Variants in LRP1B observed in about 807,000 individuals in gnomAD.
LRP1B encodes the protein LDL receptor related protein 1B.
LRP1B carries 217 observed loss-of-function variants against 556.6 expected under a neutral mutation model. The observed-to-expected ratio is 0.39, with a 90% CI of 0.35 to 0.44. The LOEUF (loss-of-function observed/expected upper bound fraction) is 0.44, where lower values mean the gene tolerates loss of function less well. LRP1B is among the 20% of genes least tolerant of loss of function. The pLI, the probability that LRP1B is intolerant of heterozygous loss-of-function variation, is 1.00. For missense variants in LRP1B, 5,053 were observed against 5,620.8 expected (o/e 0.90, Z 3.23); for synonymous variants, 2,047 against 1,865.8 (o/e 1.10, Z -2.50).
chr2:140,784,422 A>ACACATACACACACAC (rs1559117335), intron 32 of LRP1B, among the ~76,000 whole-genome samples: 2 of 149,074 alleles, frequency 1.3e-5, no homozygotes, highest in Admixed American at 6.7e-5. Context: ...ACACACACAC[A>ACACATACACACACAC]AAAGGCTCAG....
rs77476872 is a variant in LRP1B at position 140,365,657 on chromosome 2, G to A, written c.11009-874C>T. ...AGGTACAGTTAAAGTGATGTATAGC[G>A]TCACAGGTGCAAGAAGTACCTGGGG... On this transcript the variant is annotated intron_variant, in intron 71 of 90. Transcript: ENST00000389484. 6.7e-3 allele frequency among the ~76,000 whole-genome samples: 1,016 copies of A among 151,616 alleles called. 9 individuals are homozygous for A. Among genetic ancestry groups the A allele is most frequent in the African/African-American group, 0.02 (839 of 41,458 alleles).
At chr2:140,594,552 C>G (rs1454745832) in intron 43 of LRP1B, among the ~76,000 whole-genome samples, 1 of 152,122 alleles carries the variant, frequency 6.6e-6, no homozygotes, top group Non-Finnish European at 1.5e-5. Context: ...CACACAAGGT[C>G]TAAATTTATA....
chr2:141,816,857 G>A (rs993046531), intron 1 of LRP1B, among the ~76,000 whole-genome samples: 5 of 151,718 alleles, frequency 3.3e-5, no homozygotes, highest in Non-Finnish European at 5.9e-5. Context: ...TTATCAGCTC[G>A]CTAAAGCAAG....
In LRP1B at chr2:141,124,397, T is replaced by C. The variant is rs115162086; in HGVS notation, c.1014-62124A>G. 5.0e-3 allele frequency among the ~76,000 whole-genome samples: 760 copies of C among 152,272 alleles called. 6 individuals are homozygous for C. Among genetic ancestry groups the C allele is most frequent in the South Asian group, 0.011 (54 of 4,832 alleles). On this transcript the variant is annotated intron_variant, in intron 7 of 90. Coordinates refer to ENST00000389484, the MANE Select transcript of LRP1B (RefSeq NM_018557.3). ...TTTAAGAAGCTCAAAAAATATAGAATATGTTCTTGCTCTTTCATTTTTGGT... is the reference window on the plus strand; with the variant it reads ...TTTAAGAAGCTCAAAAAATATAGAACATGTTCTTGCTCTTTCATTTTTGGT...
chr2:141,942,554 G>T (rs767181051), intron 1 of LRP1B, among the ~76,000 whole-genome samples: 5 of 152,026 alleles, frequency 3.3e-5, no homozygotes, highest in Non-Finnish European at 5.9e-5. Flanking sequence ...ATACCCTGGT[G>T]CCTGTATTTT....
chr2:140,603,616 C>A (rs1432192100), intron 41 of LRP1B, among the ~76,000 whole-genome samples: 1 of 152,056 alleles, frequency 6.6e-6, no homozygotes, highest in Non-Finnish European at 1.5e-5. Context: ...GAAAACACTT[C>A]GTATCACCAT....
At chr2:140,280,228 TTTG>T (rs1682857710) in intron 84 of LRP1B, among the ~76,000 whole-genome samples, 1 of 151,734 alleles carries the variant, frequency 6.6e-6, no homozygotes, top group Admixed American at 6.6e-5. Context: ...GTATGTGAAA[TTTG>T]TTGTTCAAAT....
intron 2 of LRP1B, among the ~76,000 whole-genome samples, chr2:141,712,911 C>T (rs930531407): frequency 2.0e-4 from 29 of 146,418 alleles, no homozygotes; most frequent in Non-Finnish European, 6.0e-5. Flanking sequence ...AACTCCTGAC[C>T]TCATGACCTG....
At chr2:141,447,836 A>G (rs1368598349) in intron 3 of LRP1B, among the ~76,000 whole-genome samples, 1 of 152,104 alleles carries the variant, frequency 6.6e-6, no homozygotes, top group Admixed American at 6.5e-5. Context: ...GCTCTCCTGT[A>G]TGAGGTGTCT....
chr2:140,526,666 A>G (rs1690449648), intron 47 of LRP1B, among the ~76,000 whole-genome samples: 1 of 140,556 alleles, frequency 7.1e-6, no homozygotes, highest in Admixed American at 7.8e-5. Context: ...TTGATATCAT[A>G]TTGCTGTGGT....
intron 1 of LRP1B, among the ~76,000 whole-genome samples, chr2:142,005,449 A>C (rs2105144506): frequency 6.6e-6 from 1 of 152,196 alleles, no homozygotes; most frequent in South Asian, 2.1e-4. Context: ...GTTTCAACTT[A>C]CTCTACTTTT....
At chr2:140,693,900 G>A (rs1376484649) in intron 41 of LRP1B, among the ~76,000 whole-genome samples, 1 of 151,990 alleles carries the variant, frequency 6.6e-6, no homozygotes, top group Non-Finnish European at 1.5e-5. Flanking sequence ...TAAAGACAGG[G>A]TTTTGCCATT....
At chr2:141,355,904 T>C (rs984662129) in intron 3 of LRP1B, among the ~76,000 whole-genome samples, 1 of 152,176 alleles carries the variant, frequency 6.6e-6, no homozygotes, top group Non-Finnish European at 1.5e-5. Flanking sequence ...TACATATTTG[T>C]CATGCTTTTT....
At position 140,501,760 on chromosome 2, in the gene LRP1B, T is replaced by C. The variant is rs751930911; in HGVS notation, c.8777A>G (p.His2926Arg). 1.6e-5 allele frequency: 26 copies of C among 1,612,930 alleles called. No homozygotes were observed. The highest frequency in any genetic ancestry group is 6.6e-5 in the South Asian group (6 of 91,000). The part of the protein sequence containing the change: ...CGDGSDERNC[H>R]INECLSKKVS... ...TTTCTTACTCAAACATTCATTTATA[T>C]GGCAGTTTCTCTCATCTGAACCATC... Residue 2926 changes from histidine to arginine, a missense_variant, in exon 55 of 91, where the codon CAT becomes CGT. This residue lies in a region of LRP1B where 3,619 missense variants were observed against 3,931.9 expected (regional missense o/e 0.92). Coordinates refer to ENST00000389484, the MANE Select transcript of LRP1B (RefSeq NM_018557.3).
chr2:140,840,177 A>C (rs1692056554), intron 30 of LRP1B, 92 bp from the exon 31 acceptor site: 1 of 689,348 alleles, frequency 1.5e-6, no homozygotes, highest in Admixed American at 3.6e-5. Context: ...AAACATCAAA[A>C]TATATTCTTG....
At chr2:140,639,084 G>A (rs1257533716) in intron 41 of LRP1B, among the ~76,000 whole-genome samples, 17 of 152,060 alleles carry the variant, frequency 1.1e-4, no homozygotes, top group African/African-American at 3.9e-4. Flanking sequence ...ATATATTCTT[G>A]AGAGGCATTT....
chr2:141,739,280 C>A (rs1354104407), intron 2 of LRP1B, among the ~76,000 whole-genome samples: 1 of 152,052 alleles, frequency 6.6e-6, no homozygotes, highest in Non-Finnish European at 1.5e-5. Context: ...ACAGTGCTTA[C>A]TCTACTTTGC....
intron 3 of LRP1B, among the ~76,000 whole-genome samples, chr2:141,263,212 A>G (rs541532536): frequency 6.6e-5 from 10 of 152,210 alleles, no homozygotes; most frequent in African/African-American, 2.4e-4. Flanking sequence ...GAATTTATAT[A>G]TATTGAACTT....
At chr2:142,109,163 T>A (rs1420634736) in intron 1 of LRP1B, among the ~76,000 whole-genome samples, 1 of 152,192 alleles carries the variant, frequency 6.6e-6, no homozygotes, top group East Asian at 1.9e-4. Flanking sequence ...TTCTGTTACA[T>A]GTGAAGATCA....
Sources: gnomAD v4.1 joint callset for allele counts (sites outside exome capture counted in the v4.1 genomes callset) on GRCh38, gnomAD v4.1.1 for gene constraint, gnomAD v4.1.1 regional missense constraint, MANE v1.5 for transcripts, NCBI Gene and HGNC (gene_info 2026-07-23, HGNC 2026-07-21) for gene names.